ZNF521: variants seen among roughly 807,000 people sequenced by gnomAD.
The protein encoded by ZNF521 is zinc finger protein 521.
Under a neutral mutation model 105.5 loss-of-function variants are expected in ZNF521, and 14 were observed. The ratio of observed to expected loss-of-function variants is 0.13; its 90% CI spans 0.09 to 0.21. The LOEUF is 0.21. Ranked by LOEUF, ZNF521 falls within the 10% of genes least tolerant of loss-of-function variation. The pLI, the probability that ZNF521 is intolerant of heterozygous loss-of-function variation, is 1.00. For missense variants in ZNF521, 1,233 were observed against 1,629.7 expected, an observed-to-expected ratio of 0.76 and a Z score of 4.19; for synonymous variants, 635 against 606.0, an observed-to-expected ratio of 1.05 and a Z score of -0.70.
chr18:25,232,598 G>C (rs1906608706), intron 3 of ZNF521, among the ~76,000 whole-genome samples: 1 of 152,150 alleles, frequency 6.6e-6, no homozygotes, highest in South Asian at 2.1e-4. Flanking sequence ...AATGTTAATA[G>C]ACCATAAATC....
intron 3 of ZNF521, among the ~76,000 whole-genome samples, chr18:25,270,904 A>G (rs1169244902): frequency 6.6e-6 from 1 of 152,198 alleles, no homozygotes; most frequent in Non-Finnish European, 1.5e-5. Flanking sequence ...TGTTCAGCAT[A>G]GTATTGGAAG....
At chr18:25,100,516 CT>C (rs143621834) in intron 5 of ZNF521, among the ~76,000 whole-genome samples, 18,358 of 152,090 alleles carry the variant, frequency 0.12, 1,211 homozygotes, top group Middle Eastern at 0.17. Flanking sequence ...GGGCCAAAAT[CT>C]CTCTAATTTC....
At chr18:25,181,408 G>A (rs2035629986) in intron 5 of ZNF521, among the ~76,000 whole-genome samples, 1 of 152,046 alleles carries the variant, frequency 6.6e-6, no homozygotes, top group Admixed American at 6.6e-5. Flanking sequence ...TGTTACTTAC[G>A]GGAAATGACA....
At chr18:25,164,814 A>AT (rs1226516113) in intron 5 of ZNF521, among the ~76,000 whole-genome samples, 1 of 152,200 alleles carries the variant, frequency 6.6e-6, no homozygotes, top group Non-Finnish European at 1.5e-5. Flanking sequence ...ACCAGCTGGC[A>AT]TTTTTTACTC....
At chr18:25,331,088 A>C (rs1568082585) in intron 2 of ZNF521, among the ~76,000 whole-genome samples, 11 of 152,192 alleles carry the variant, frequency 7.2e-5, no homozygotes, top group Admixed American at 5.2e-4. Context: ...CACTCTTCCA[A>C]CTACCCTGAT....
At chr18:25,240,439 T>C (rs1366114549) in intron 3 of ZNF521, among the ~76,000 whole-genome samples, 1 of 152,078 alleles carries the variant, frequency 6.6e-6, no homozygotes, top group Non-Finnish European at 1.5e-5. Context: ...TGGGGAACAG[T>C]AGTCAAGAGA....
At chr18:25,189,893 T>C (rs2035788322) in intron 5 of ZNF521, among the ~76,000 whole-genome samples, 1 of 152,222 alleles carries the variant, frequency 6.6e-6, no homozygotes, top group African/African-American at 2.4e-5. Context: ...GAATTATCTG[T>C]GTAAATCGAT....
In ZNF521 at chr18:25,108,711, G is replaced by A. The variant is rs544636317; in HGVS notation, c.3659-16630C>T. On this transcript the variant is annotated intron_variant, in intron 5 of 7. Coordinates refer to ENST00000361524, the MANE Select transcript of ZNF521 (RefSeq NM_015461.3). ...TCGATCTTGGCTCACTGCCATCTCC[G>A]CCTCCCTGGTTCAAGTGATTCTCCT... is the stretch of plus-strand genomic sequence containing the variant. 1.0e-3 allele frequency among the ~76,000 whole-genome samples: 158 copies of A among 152,214 alleles called. 2 individuals are homozygous for A. Among genetic ancestry groups the A allele is most frequent in the Middle Eastern group, 3.4e-3 (1 of 294 alleles).
intron 5 of ZNF521, among the ~76,000 whole-genome samples, chr18:25,187,761 G>C (rs1389485012): frequency 1.3e-5 from 2 of 152,132 alleles, no homozygotes; most frequent in African/African-American, 4.8e-5. Flanking sequence ...CTGATAGACA[G>C]TAGCTTCTTT....
chr18:25,323,051 C>T (rs192021565), intron 2 of ZNF521, among the ~76,000 whole-genome samples: 1 of 151,980 alleles, frequency 6.6e-6, no homozygotes, highest in African/African-American at 2.4e-5. Flanking sequence ...ATTAGTTACG[C>T]TGTCCTTTGA....
At chr18:25,074,198 C>T (rs770486758) in intron 7 of ZNF521, among the ~76,000 whole-genome samples, 4 of 152,214 alleles carry the variant, frequency 2.6e-5, no homozygotes, top group Non-Finnish European at 5.9e-5. Context: ...GGTAAAATTC[C>T]TGGTGTTTGC....
At chr18:25,324,941 GT>G (rs1257020860) in intron 2 of ZNF521, among the ~76,000 whole-genome samples, 3 of 152,200 alleles carry the variant, frequency 2.0e-5, no homozygotes, top group Non-Finnish European at 4.4e-5. Context: ...ATAAAAAATA[GT>G]TTTGCTTCCA....
chr18:25,076,129 G>A (rs1021669621), intron 7 of ZNF521, among the ~76,000 whole-genome samples: 1 of 152,172 alleles, frequency 6.6e-6, no homozygotes, highest in African/African-American at 2.4e-5. Context: ...CATCACCTTA[G>A]TGGGCACAAA....
intron 5 of ZNF521, among the ~76,000 whole-genome samples, chr18:25,140,421 C>T (rs559448676): frequency 5.3e-5 from 8 of 152,272 alleles, no homozygotes; most frequent in South Asian, 2.1e-4. Flanking sequence ...TGTGCAATGA[C>T]GGCAGGAAAT....
chr18:25,114,132 A>G (rs1600048960), intron 5 of ZNF521, among the ~76,000 whole-genome samples: 1 of 151,986 alleles, frequency 6.6e-6, no homozygotes, highest in African/African-American at 2.4e-5. Flanking sequence ...CCCTCCTCCC[A>G]ATTTCAGGGA....
Position 25,207,555 on chromosome 18 carries a change from G to GTAAC in ZNF521, c.3574-12315_3574-12312dup, listed in dbSNP as rs1383126632. ...TCAAAGGTTTCCTGTCACTTAAGTAGTAACGTCTTAGTTTTCTCTTAAGCT... is the reference window on the plus strand; with the variant it reads ...TCAAAGGTTTCCTGTCACTTAAGTAGTAACTAACGTCTTAGTTTTCTCTTAAGCT... On this transcript the variant is annotated intron_variant, in intron 4 of 7. Coordinates refer to ENST00000361524, the MANE Select transcript of ZNF521 (RefSeq NM_015461.3). Among the ~76,000 whole-genome samples, 4 of 152,288 alleles carry GTAAC rather than the reference G, an allele frequency of 2.6e-5. No homozygotes were observed. In the East Asian group the frequency reaches 7.7e-4, roughly 29 times the overall value.
Position 25,224,514 on chromosome 18 carries a change from C to A in ZNF521, c.3404G>T (p.Gly1135Val), listed in dbSNP as rs763513424. 5.6e-6 allele frequency: 9 copies of A among 1,613,782 alleles called. No individual in the cohort carries two copies. The highest frequency in any genetic ancestry group is 1.6e-4 in the Middle Eastern group (1 of 6,084). ...GCAGCTAGAGCAGCGTGTCTTCAGT[C>A]CCCCCACCTTGCCTTTCCCCTCAAT... The part of the protein sequence containing the change: ...SAIEGKGKVG[G>V]LKTRCSSCNV... The change falls in exon 4 of 8, where the codon GGA becomes GTA. Residue 1135 changes from glycine to valine, a missense_variant. This residue lies in a region of ZNF521 where 614 missense variants were observed against 751.5 expected (regional missense o/e 0.82). Coordinates refer to ENST00000361524, the MANE Select transcript of ZNF521 (RefSeq NM_015461.3).
At chr18:25,291,076 C>T (rs919436138) in intron 3 of ZNF521, among the ~76,000 whole-genome samples, 6 of 152,112 alleles carry the variant, frequency 3.9e-5, no homozygotes, top group Admixed American at 2.6e-4. Flanking sequence ...ACTATTAATA[C>T]ACTTGCCAAA....
At chr18:25,161,697 C>A (rs1306186286) in intron 5 of ZNF521, among the ~76,000 whole-genome samples, 1 of 152,122 alleles carries the variant, frequency 6.6e-6, no homozygotes, top group Non-Finnish European at 1.5e-5. Context: ...CACACTGATG[C>A]GTTAACTTTT....
Sources: gnomAD v4.1 joint callset for allele counts (sites outside exome capture counted in the v4.1 genomes callset) on GRCh38, gnomAD v4.1.1 for gene constraint, gnomAD v4.1.1 regional missense constraint, MANE v1.5 for transcripts, NCBI Gene and HGNC (gene_info 2026-07-23, HGNC 2026-07-21) for gene names.